Variants in CTXND1 observed in about 807,000 individuals in gnomAD.
CTXND1 encodes cortexin domain containing 1, also known as cortexin domain-containing 1 protein.
chr15:80,250,382 C>G (rs888150664), intron 1 of CTXND1, among the ~76,000 whole-genome samples: 2 of 151,856 alleles, frequency 1.3e-5, no homozygotes, highest in African/African-American at 4.8e-5. Flanking sequence ...TTAAACAACT[C>G]CTATTCTGCC....
chr15:80,215,919 A>G (rs1272929245), intron 1 of CTXND1, among the ~76,000 whole-genome samples: 1 of 152,176 alleles, frequency 6.6e-6, no homozygotes. Flanking sequence ...TGGAGTCTCA[A>G]TCACTTCCCA....
intron 1 of CTXND1, among the ~76,000 whole-genome samples, chr15:80,206,804 A>T (rs778731199): frequency 1.4e-4 from 21 of 152,032 alleles, no homozygotes; most frequent in Non-Finnish European, 2.5e-4. Context: ...CGGTTAGGGG[A>T]TGTAACATTT....
chr15:80,221,508 A>C (rs1893319716), intron 1 of CTXND1, among the ~76,000 whole-genome samples: 1 of 152,118 alleles, frequency 6.6e-6, no homozygotes, highest in African/African-American at 2.4e-5. Flanking sequence ...ACTAGAGCCG[A>C]GGTGTTCCAG....
chr15:80,206,442 A>G (rs1893147931), intron 1 of CTXND1, among the ~76,000 whole-genome samples: 1 of 151,778 alleles, frequency 6.6e-6, no homozygotes, highest in African/African-American at 2.4e-5. Flanking sequence ...TCCTTTATCT[A>G]TTTTTCTATT....
chr15:80,246,896 A>G (rs1208728219), intron 1 of CTXND1, among the ~76,000 whole-genome samples: 1 of 152,196 alleles, frequency 6.6e-6, no homozygotes, highest in Admixed American at 6.5e-5. Flanking sequence ...ACTTAGGGAC[A>G]CTGAAAGGTT....
At position 80,247,749 on chromosome 15, in the gene CTXND1, A is replaced by T. The variant is rs114165374; in HGVS notation, c.-218+4258T>A. Among the ~76,000 whole-genome samples the T allele has an allele frequency of 9.0e-3, 1,367 of 152,304 alleles. 27 individuals are homozygous for T. The highest frequency in any genetic ancestry group is 0.031 in the African/African-American group (1,290 of 41,554). ...AATGTGGACACCAGGGAGAGGCAGG[A>T]TTTCACAGTTTAGTTTCCTAAAGGT... On this transcript the variant is annotated intron_variant, in intron 1 of 2. Coordinates refer to ENST00000560778, the MANE Select transcript of CTXND1 (RefSeq NM_001352888.2).
At chr15:80,244,199 T>C (rs758506858) in intron 1 of CTXND1, among the ~76,000 whole-genome samples, 1 of 152,218 alleles carries the variant, frequency 6.6e-6, no homozygotes, top group Non-Finnish European at 1.5e-5. Context: ...ACGTAAGTAA[T>C]CCTACTTATA....
At chr15:80,242,765 G>A (rs1893584869) in intron 1 of CTXND1, among the ~76,000 whole-genome samples, 1 of 152,166 alleles carries the variant, frequency 6.6e-6, no homozygotes, top group East Asian at 1.9e-4. Context: ...GCCCTACAAT[G>A]TGCAGGTGGA....
chr15:80,241,575 C>T (rs987567635), intron 1 of CTXND1, among the ~76,000 whole-genome samples: 3 of 152,324 alleles, frequency 2.0e-5, no homozygotes, highest in African/African-American at 7.2e-5. Flanking sequence ...CAGGGGCCCC[C>T]ATTCTCCTTT....
intron 1 of CTXND1, among the ~76,000 whole-genome samples, chr15:80,242,572 T>G (rs1341515175): frequency 6.6e-6 from 1 of 152,234 alleles, no homozygotes; most frequent in Non-Finnish European, 1.5e-5. Context: ...GAGGAGCCTG[T>G]AAATCCCAGG....
chr15:80,239,464 G>A (rs1000044669), intron 1 of CTXND1, among the ~76,000 whole-genome samples: 7 of 152,188 alleles, frequency 4.6e-5, no homozygotes, highest in Admixed American at 2.6e-4. Flanking sequence ...AGCTGCCAGC[G>A]AATATGAAGC....
At chr15:80,221,297 C>G (rs545466171) in intron 1 of CTXND1, among the ~76,000 whole-genome samples, 1 of 152,252 alleles carries the variant, frequency 6.6e-6, no homozygotes, top group Admixed American at 6.5e-5. Context: ...TTGCACATTG[C>G]CACTTTTTTC....
At chr15:80,211,532 TA>T (rs1196506715) in intron 1 of CTXND1, among the ~76,000 whole-genome samples, 7 of 152,058 alleles carry the variant, frequency 4.6e-5, no homozygotes, top group Non-Finnish European at 8.8e-5. Flanking sequence ...CCAGAACAAT[TA>T]ACAGGCCTGT....
rs1352975118 is a variant in CTXND1 at position 80,203,582 on chromosome 15, C to T, written c.-66+7G>A. 1 of 152,222 alleles carries T rather than the reference C, an allele frequency of 6.6e-6. No individual in the cohort carries two copies. The highest frequency in any genetic ancestry group is 2.4e-5 in the African/African-American group (1 of 41,420). The allele number at this position is 152,222 out of a possible 1,614,324, so 9.4% of individuals were successfully genotyped here. The stretch of plus-strand genomic sequence containing the variant: ...CTCAGCCCTCATCACTCTCGGGGGA[C>T]ACTGACCTGCTGACTGGAGTGGTCA... On this transcript the variant is annotated splice_region_variant and intron_variant, in intron 2 of 2. Coordinates refer to ENST00000560778, the MANE Select transcript of CTXND1 (RefSeq NM_001352888.2).
chr15:80,228,819 G>A (rs1342665252), intron 1 of CTXND1, among the ~76,000 whole-genome samples: 2 of 151,822 alleles, frequency 1.3e-5, no homozygotes, highest in African/African-American at 2.4e-5. Flanking sequence ...AGTTAGAGAC[G>A]GGGTTTCACC....
chr15:80,246,065 T>A (rs1164323748), intron 1 of CTXND1, among the ~76,000 whole-genome samples: 2 of 152,228 alleles, frequency 1.3e-5, no homozygotes, highest in African/African-American at 4.8e-5. Context: ...ATTTTCAGTA[T>A]TCCAAAATTT....
intron 1 of CTXND1, among the ~76,000 whole-genome samples, chr15:80,220,652 T>C (rs746509802): frequency 9.2e-5 from 14 of 152,154 alleles, no homozygotes; most frequent in Non-Finnish European, 1.6e-4. Flanking sequence ...CTTTATGATA[T>C]TGAGTCTTCC....
chr15:80,243,068 C>T (rs1893588855), intron 1 of CTXND1, among the ~76,000 whole-genome samples: 1 of 152,210 alleles, frequency 6.6e-6, no homozygotes, highest in African/African-American at 2.4e-5. Context: ...TTCCTTTGAA[C>T]TACCTCCTCT....
chr15:80,251,344 G>C (rs957306123), intron 1 of CTXND1, among the ~76,000 whole-genome samples: 1 of 152,194 alleles, frequency 6.6e-6, no homozygotes, highest in Non-Finnish European at 1.5e-5. Context: ...ATATGAAAGC[G>C]TGGATTAGGG....
Sources: gnomAD v4.1 joint callset for allele counts (sites outside exome capture counted in the v4.1 genomes callset) on GRCh38, gnomAD v4.1.1 for gene constraint, MANE v1.5 for transcripts, NCBI Gene and HGNC (gene_info 2026-07-23, HGNC 2026-07-21) for gene names.